The following PPFIA1 variants were observed in gnomAD, a reference collection of about 807,000 sequenced individuals.
PPFIA1 encodes PPFI scaffold protein A1, also known as liprin-alpha-1.
In PPFIA1, 25 loss-of-function variants were observed where a neutral mutation model predicts 149.9. The observed-to-expected ratio is 0.17, with a 90% confidence interval of 0.12 to 0.23. The LOEUF (loss-of-function observed/expected upper bound fraction) is 0.23, where lower values mean the gene tolerates loss of function less well. PPFIA1 is among the 10% of genes least tolerant of loss of function. PPFIA1 has a pLI of 1.00. For synonymous variants in PPFIA1, 549 were observed against 552.8 expected (o/e 0.99, Z 0.10); for missense variants, 1,362 against 1,506.5 (o/e 0.90, Z 1.59).
At chr11:70,296,221 C>G (rs1252838227) in intron 2 of PPFIA1, among the ~76,000 whole-genome samples, 1 of 151,892 alleles carries the variant, frequency 6.6e-6, no homozygotes, top group Non-Finnish European at 1.5e-5. Context: ...CAGAGGGGCT[C>G]CTAACATCCC....
chr11:70,277,443 ATTG>A (rs1166103827), intron 2 of PPFIA1, among the ~76,000 whole-genome samples: 10 of 144,840 alleles, frequency 6.9e-5, no homozygotes, highest in Admixed American at 4.1e-4. Context: ...TTCATTCTTT[ATTG>A]TTGTTTCATG....
At chr11:70,304,149 A>G (rs1374625299) in intron 2 of PPFIA1, among the ~76,000 whole-genome samples, 1 of 152,236 alleles carries the variant, frequency 6.6e-6, no homozygotes, top group East Asian at 1.9e-4. Flanking sequence ...TTAATCAGTC[A>G]TGCCTATGTA....
intron 10 of PPFIA1, among the ~76,000 whole-genome samples, chr11:70,334,170 A>T (rs2054833028): frequency 6.6e-6 from 1 of 152,188 alleles, no homozygotes; most frequent in Non-Finnish European, 1.5e-5. Flanking sequence ...TGGAACATCC[A>T]GGAAAAAGAT....
At chr11:70,381,048 C>A (rs1370798190) in intron 26 of PPFIA1, 1 of 152,078 alleles carries the variant, frequency 6.6e-6, no homozygotes, top group Non-Finnish European at 1.5e-5. Context: ...AATCCTCCTG[C>A]CTTGACCTCC....
intron 19 of PPFIA1, among the ~76,000 whole-genome samples, chr11:70,360,589 G>T (rs567626706): frequency 2.0e-5 from 3 of 152,370 alleles, no homozygotes; most frequent in Admixed American, 6.5e-5. Context: ...AAGCTCTACT[G>T]GCTGTCTTTG....
intron 19 of PPFIA1, chr11:70,358,534 C>T (rs2137421759): frequency 6.6e-6 from 1 of 152,220 alleles, no homozygotes; most frequent in South Asian, 2.1e-4. Context: ...AAAATGTCTA[C>T]ATATAAATGT....
Position 70,354,301 on chromosome 11 carries a change from T to C in PPFIA1, c.2164T>C (p.Leu722=). ...EVDRLGVMTL[L]PPSREEVRDD... The stretch of plus-strand genomic sequence containing the variant: ...ACTTTGCACTTCTCTCACCCCTCAG[T>C]TGCCACCTTCCAGAGAAGAGGTACG... The change falls in exon 17 of 28, where the codon TTG becomes CTG. Residue 722 remains leucine (L), a splice_region_variant and synonymous_variant. Transcript: ENST00000253925. 6.2e-7 allele frequency: 1 copy of C among 1,611,806 alleles called. No individual in the cohort carries two copies. Among genetic ancestry groups the C allele is most frequent in the Non-Finnish European group, 8.5e-7 (1 of 1,178,932 alleles).
chr11:70,338,503 C>A, intron 13 of PPFIA1, 50 bp downstream of exon 13: 1 of 1,480,976 alleles, frequency 6.8e-7, no homozygotes, highest in Non-Finnish European at 9.4e-7. Flanking sequence ...TGTGGCAGGC[C>A]AGTTCTTGGC....
At position 70,343,600 on chromosome 11, in the gene PPFIA1, C is replaced by G. The variant is rs12274637; in HGVS notation, c.1708-69C>G. ...TTTCATTAAAGAATTCCTAAATTTC[C>G]GATAGATTTATGTTTCTACAACTAA... On this transcript the variant is annotated intron_variant, in intron 14 of 27. Coordinates refer to ENST00000253925, the MANE Select transcript of PPFIA1 (RefSeq NM_003626.5). The G allele has an allele frequency of 8.6e-6, 12 of 1,396,318 alleles. No individual in the cohort carries two copies. In the Admixed American group the frequency reaches 9.4e-5, roughly 11 times the overall value. 86.5% of individuals were successfully genotyped at this position (1,396,318 alleles called of 1,614,324 possible). A position where few individuals can be genotyped will look rare whatever the true frequency, so the allele number is the denominator to read the frequency against.
At chr11:70,271,120 C>T (rs1169969445) in intron 1 of PPFIA1, 1 of 151,878 alleles carries the variant, frequency 6.6e-6, no homozygotes, top group Non-Finnish European at 1.5e-5. Context: ...GGGGACTGCG[C>T]GCTGCCCCTC....
chr11:70,324,930 T>G lies in PPFIA1; in HGVS notation c.450T>G (p.Ser150=), dbSNP rs541397539. ...RMTVVKRQAQ[S]PAGVSSEVEV... ...CCGTGGTGAAGAGACAAGCGCAGTC[T>G]CCAGCAGGCGTGTCCAGCGAAGTGG... is the stretch of plus-strand genomic sequence containing the variant. Residue 150 remains serine (S), a synonymous_variant, in exon 4 of 28, where the codon TCT becomes TCG. Coordinates refer to ENST00000253925, the MANE Select transcript of PPFIA1 (RefSeq NM_003626.5). 160 of 1,614,094 alleles carry G rather than the reference T, an allele frequency of 9.9e-5. 1 individual carries two copies. The South Asian group carries it at 1.7e-3, about 17-fold the overall frequency.
rs915206429 is a variant in PPFIA1, at chr11:70,378,433, A to G, written c.3550+238A>G. On this transcript the variant is annotated intron_variant, in intron 26 of 27. Coordinates refer to ENST00000253925, the MANE Select transcript of PPFIA1 (RefSeq NM_003626.5). ...GGTTGAATCTTAGCATATTTTTCCA[A>G]CTAATAAAGCTCAGTATTCGTCTGT... 3.0e-5 allele frequency: 38 copies of G among 1,253,090 alleles called. No individual in the cohort carries two copies. In the East Asian group the frequency reaches 4.4e-4, roughly 15 times the overall value. 77.6% of individuals were successfully genotyped at this position (1,253,090 alleles called of 1,614,324 possible).
At chr11:70,335,981 G>A (rs2054952107) in intron 11 of PPFIA1, among the ~76,000 whole-genome samples, 1 of 152,156 alleles carries the variant, frequency 6.6e-6, no homozygotes, top group African/African-American at 2.4e-5. Flanking sequence ...AAATATTTTA[G>A]GCTTTTAGTA....
chr11:70,294,299 C>G (rs1221000894), intron 2 of PPFIA1, among the ~76,000 whole-genome samples: 1 of 152,080 alleles, frequency 6.6e-6, no homozygotes, highest in Admixed American at 6.6e-5. Flanking sequence ...CCAGTATTCA[C>G]CTGCAGAAGA....
chr11:70,361,208 A>G (rs2056625244), intron 19 of PPFIA1, among the ~76,000 whole-genome samples: 1 of 152,188 alleles, frequency 6.6e-6, no homozygotes, highest in Admixed American at 6.5e-5. Flanking sequence ...ATGAAAGGAA[A>G]ATGATGAGCA....
At chr11:70,340,472 A>G (rs111921522) in intron 14 of PPFIA1, among the ~76,000 whole-genome samples, 2,577 of 152,346 alleles carry the variant, frequency 0.017, 65 homozygotes, top group African/African-American at 0.057. Flanking sequence ...TTGAATACAT[A>G]TATTCGTCAT....
At chr11:70,280,664 C>T (rs910051737) in intron 2 of PPFIA1, among the ~76,000 whole-genome samples, 1 of 152,170 alleles carries the variant, frequency 6.6e-6, no homozygotes, top group Admixed American at 6.5e-5. Flanking sequence ...AACTCCAGGG[C>T]TCAAGCAATC....
At chr11:70,286,150 C>T (rs2051104850) in intron 2 of PPFIA1, among the ~76,000 whole-genome samples, 1 of 152,214 alleles carries the variant, frequency 6.6e-6, no homozygotes, top group Admixed American at 6.5e-5. Flanking sequence ...TTCATTTGGG[C>T]AGGCTTTGGG....
intron 2 of PPFIA1, among the ~76,000 whole-genome samples, chr11:70,304,664 G>C (rs942214807): frequency 2.0e-5 from 3 of 152,132 alleles, no homozygotes; most frequent in Non-Finnish European, 4.4e-5. Flanking sequence ...TGGTCTTGTG[G>C]GACTGAGCCT....
Sources: allele counts gnomAD v4.1 joint callset (sites outside exome capture counted in the v4.1 genomes callset), GRCh38; gene constraint gnomAD v4.1.1; transcripts MANE v1.5; gene names NCBI Gene and HGNC (gene_info 2026-07-23, HGNC 2026-07-21).